Variants in CNTN6 observed in about 807,000 individuals in gnomAD.
CNTN6 encodes contactin 6.
CNTN6 carries 137 observed loss-of-function variants against 122.8 expected under a neutral mutation model. That is an observed-to-expected ratio of 1.12 (90% CI 0.97 to 1.29). The LOEUF is 1.29. CNTN6 is among the 50% of genes most tolerant of loss of function. The pLI is 0.00. For missense variants in CNTN6, 1,634 were observed against 1,223.4 expected (o/e 1.34, Z -5.01); for synonymous variants, 570 against 426.0 (o/e 1.34, Z -4.16).
chr3:1,137,751 T>C (rs943868322), intron 1 of CNTN6, among the ~76,000 whole-genome samples: 1 of 152,188 alleles, frequency 6.6e-6, no homozygotes, highest in African/African-American at 2.4e-5. Flanking sequence ...AATTTACTTC[T>C]TCTAAAGTCA....
At chr3:1,163,267 T>A (rs1222265459) in intron 2 of CNTN6, among the ~76,000 whole-genome samples, 1 of 152,218 alleles carries the variant, frequency 6.6e-6, no homozygotes, top group Non-Finnish European at 1.5e-5. Context: ...CTGTGTTTCA[T>A]CAAACTTTTT....
chr3:1,355,465 T>C (rs1311043658), intron 12 of CNTN6, among the ~76,000 whole-genome samples: 1 of 151,694 alleles, frequency 6.6e-6, no homozygotes, highest in Non-Finnish European at 1.5e-5. Flanking sequence ...AATTATTATT[T>C]TACAACCTAC....
chr3:1,173,186 C>G, intron 2 of CNTN6: 1 of 456,380 alleles, frequency 2.2e-6, no homozygotes, highest in South Asian at 1.5e-5. Flanking sequence ...AAGGATCACT[C>G]TATTTGTTTC....
chr3:1,235,460 T>C (rs1286523020), intron 4 of CNTN6, among the ~76,000 whole-genome samples: 1 of 150,980 alleles, frequency 6.6e-6, no homozygotes, highest in South Asian at 2.1e-4. Flanking sequence ...AATAAATATA[T>C]AATACATATA....
At chr3:1,312,792 G>T (rs999324899) in intron 7 of CNTN6, among the ~76,000 whole-genome samples, 1 of 150,548 alleles carries the variant, frequency 6.6e-6, no homozygotes, top group South Asian at 2.1e-4. Context: ...TCTGTGGAAA[G>T]ACAGACTTTG....
intron 11 of CNTN6, among the ~76,000 whole-genome samples, chr3:1,334,798 A>T (rs1702810828): frequency 6.6e-6 from 1 of 152,056 alleles, no homozygotes; most frequent in Non-Finnish European, 1.5e-5. Context: ...TTCAGTAAAT[A>T]TTTTCTGTGT....
At chr3:1,188,551 G>A (rs1392952738) in intron 2 of CNTN6, among the ~76,000 whole-genome samples, 1 of 152,154 alleles carries the variant, frequency 6.6e-6, no homozygotes, top group Non-Finnish European at 1.5e-5. Flanking sequence ...GGTCTCCATG[G>A]ACTGGAATTT....
intron 12 of CNTN6, among the ~76,000 whole-genome samples, chr3:1,363,425 A>T (rs1307995373): frequency 1.3e-5 from 2 of 151,756 alleles, no homozygotes; most frequent in Non-Finnish European, 2.9e-5. Context: ...CATTTTCCTC[A>T]CTTTTGTGCT....
chr3:1,093,347 G>C (rs147309874), intron 1 of CNTN6, among the ~76,000 whole-genome samples: 111 of 152,206 alleles, frequency 7.3e-4, no homozygotes, highest in African/African-American at 2.6e-3. Flanking sequence ...ATTCCGGGAG[G>C]TTAGGATCAA....
intron 20 of CNTN6, among the ~76,000 whole-genome samples, chr3:1,386,148 C>A (rs1004113957): frequency 3.9e-5 from 6 of 152,080 alleles, no homozygotes; most frequent in African/African-American, 1.4e-4. Context: ...CAGTTGCCTA[C>A]CTATAAAATG....
At chr3:1,104,621 A>C (rs1009391658) in intron 1 of CNTN6, among the ~76,000 whole-genome samples, 1 of 152,156 alleles carries the variant, frequency 6.6e-6, no homozygotes, top group African/African-American at 2.4e-5. Context: ...ATATCATTTA[A>C]TACATTTTTC....
chr3:1,336,659 C>T (rs758667333), intron 11 of CNTN6, among the ~76,000 whole-genome samples: 7 of 152,132 alleles, frequency 4.6e-5, no homozygotes, highest in Non-Finnish European at 1.0e-4. Context: ...CTGTGTGGCC[C>T]TGGACACTTG....
At chr3:1,350,729 A>G (rs1434393547) in intron 11 of CNTN6, among the ~76,000 whole-genome samples, 1 of 151,838 alleles carries the variant, frequency 6.6e-6, no homozygotes, top group Non-Finnish European at 1.5e-5. Context: ...TGGCCTTTAG[A>G]TATCAGCAGA....
chr3:1,400,257 A>G (rs1227732507), intron 20 of CNTN6, among the ~76,000 whole-genome samples: 2 of 152,014 alleles, frequency 1.3e-5, no homozygotes, highest in East Asian at 1.9e-4. Context: ...TCCAGTTTCA[A>G]TCTCAAAAAT....
chr3:1,275,846 C>G (rs1013613707), intron 4 of CNTN6, among the ~76,000 whole-genome samples: 9 of 152,120 alleles, frequency 5.9e-5, no homozygotes, highest in Non-Finnish European at 1.2e-4. Context: ...CAGGGAGTGG[C>G]TGTAAATAAA....
Position 1,403,391 on chromosome 3 carries a change from C to T in CNTN6, c.3060C>T (p.His1020=). ...HFLSIVIVIF[H]CFAIQPLI ...TTTCCATTGTCATTGTGATTTTTCACTGTTTTGCTATTCAGCCACTTATCT... is the reference window on the plus strand; with the variant it reads ...TTTCCATTGTCATTGTGATTTTTCATTGTTTTGCTATTCAGCCACTTATCT... The change falls in exon 23 of 23, where the codon CAC becomes CAT. Residue 1020 remains histidine (H), a synonymous_variant. Coordinates refer to ENST00000446702, the MANE Select transcript of CNTN6 (RefSeq NM_001289080.2). The T allele has an allele frequency of 6.2e-7, 1 of 1,610,354 alleles. No homozygotes were observed. The highest frequency in any genetic ancestry group is 2.2e-5 in the East Asian group (1 of 44,742).
chr3:1,153,699 A>G (rs2092899452), intron 2 of CNTN6, among the ~76,000 whole-genome samples: 1 of 152,220 alleles, frequency 6.6e-6, no homozygotes, highest in Non-Finnish European at 1.5e-5. Context: ...TCTATTTCAA[A>G]CATAGCCTTT....
chr3:1,159,465 A>C (rs1263636064), intron 2 of CNTN6, among the ~76,000 whole-genome samples: 1 of 152,096 alleles, frequency 6.6e-6, no homozygotes, highest in African/African-American at 2.4e-5. Context: ...TATTTCCAAA[A>C]TTTAGCGTTT....
At chr3:1,387,205 C>CAA (rs557530292) in intron 20 of CNTN6, among the ~76,000 whole-genome samples, 138 of 152,282 alleles carry the variant, frequency 9.1e-4, no homozygotes, top group African/African-American at 3.0e-3. Flanking sequence ...TTAGAAAATA[C>CAA]AAAGTGCTGT....
Sources: gnomAD v4.1 joint callset for allele counts (sites outside exome capture counted in the v4.1 genomes callset) on GRCh38, gnomAD v4.1.1 for gene constraint, MANE v1.5 for transcripts, NCBI Gene and HGNC (gene_info 2026-07-23, HGNC 2026-07-21) for gene names.